Variants in PTPRB observed in about 807,000 individuals in gnomAD.
PTPRB encodes the protein receptor-type tyrosine-protein phosphatase beta.
Under a neutral mutation model 238.1 loss-of-function variants are expected in PTPRB, and 97 were observed. That is an observed-to-expected ratio of 0.41 (90% CI 0.35 to 0.48). The LOEUF (loss-of-function observed/expected upper bound fraction) is 0.48. Among genes scored for constraint, PTPRB ranks in the 20% least tolerant of loss-of-function variants. The pLI is 0.30. For missense variants in PTPRB, 2,292 were observed against 2,681.9 expected (o/e 0.85, Z 3.21); for synonymous variants, 970 against 995.4 (o/e 0.97, Z 0.48).
chr12:70,576,517 C>T lies in PTPRB; in HGVS notation c.2707G>A (p.Val903Ile). ...GACTTGGCAATGACAAGGGACTGAACCACCTTGCCGTCATGAGACAATGTT... is the reference window on the plus strand; with the variant it reads ...GACTTGGCAATGACAAGGGACTGAATCACCTTGCCGTCATGAGACAATGTT... ...EVTLSHDGKV[V>I]QSLVIAKSVR... is the part of the protein sequence containing the mutation. Residue 903 changes from valine to isoleucine, a missense_variant, in exon 11 of 34, where the codon GTT becomes ATT. Coordinates refer to ENST00000334414, the MANE Select transcript of PTPRB (RefSeq NM_001109754.4). 1 of 1,570,732 alleles carries T rather than the reference C, an allele frequency of 6.4e-7. No individual in the cohort carries two copies. The highest frequency in any genetic ancestry group is 2.3e-5 in the East Asian group (1 of 42,876).
chr12:70,613,233 A>G (rs1044525118), intron 3 of PTPRB, among the ~76,000 whole-genome samples: 2 of 151,998 alleles, frequency 1.3e-5, no homozygotes, highest in African/African-American at 2.4e-5. Flanking sequence ...CTAAAAGGTC[A>G]TGGTCCTTAC....
Position 70,622,489 on chromosome 12 carries a change from G to A in PTPRB, c.609C>T (p.Asn203=). Reference sequence around the variant, plus strand: ...GATTGGGATGCTGCCTCTCGCTGCTGTTTTGGCTGTAGTTTTCTGCAGCAT... The same window carrying A: ...GATTGGGATGCTGCCTCTCGCTGCTATTTTGGCTGTAGTTTTCTGCAGCAT... ...IRNAAENYSQ[N]SSERQHPNLH... The change falls in exon 3 of 34, where the codon AAC becomes AAT. Residue 203 remains asparagine, a synonymous_variant. Transcript: ENST00000334414. The A allele has an allele frequency of 1.2e-6, 2 of 1,613,536 alleles. No individual in the cohort carries two copies. Among genetic ancestry groups the A allele is most frequent in the Non-Finnish European group, 1.7e-6 (2 of 1,179,718 alleles).
intron 2 of PTPRB, among the ~76,000 whole-genome samples, chr12:70,633,677 T>C (rs1885555751): frequency 6.6e-6 from 1 of 152,202 alleles, no homozygotes; most frequent in South Asian, 2.1e-4. Context: ...AGGCATTTTT[T>C]GAATATAGCA....
At chr12:70,543,233 T>C (rs1165851787) in intron 22 of PTPRB, among the ~76,000 whole-genome samples, 3 of 152,364 alleles carry the variant, frequency 2.0e-5, no homozygotes, top group South Asian at 4.1e-4. Flanking sequence ...TACTGTGTTA[T>C]CCCTTAAATT....
chr12:70,563,139 A>T, intron 15 of PTPRB, 32 bp from the exon 16 acceptor site: 1 of 1,581,380 alleles, frequency 6.3e-7, no homozygotes, highest in South Asian at 1.1e-5. Context: ...AGAATGAGGG[A>T]GGGAAATGCA....
rs776553411 is a variant in PTPRB at position 70,544,565 on chromosome 12, G to A, written c.5486C>T (p.Thr1829Ile). 4 of 1,607,442 alleles carry A rather than the reference G, an allele frequency of 2.5e-6. No homozygotes were observed. The Admixed American group carries it at 5.0e-5, about 20-fold the overall frequency. Residue 1829 changes from threonine (T) to isoleucine (I), a missense_variant, in exon 22 of 34, where the codon ACT (threonine) becomes ATT (isoleucine). By Grantham distance (89) the Thr-to-Ile change is moderately conservative. Around this residue, in one of 4 missense-constraint regions of PTPRB, gnomAD observed 397 missense variants for 502.0 expected, o/e 0.79. Coordinates refer to ENST00000334414, the MANE Select transcript of PTPRB (RefSeq NM_001109754.4). ...SDTFFSLPIT[T>I]ESEPLFGAIE... The stretch of plus-strand genomic sequence containing the variant: ...GTAAAGGTTAGCCTTACCTGATTCA[G>A]TAGTGATGGGTAAAGAAAAAAATGT...
intron 2 of PTPRB, among the ~76,000 whole-genome samples, chr12:70,625,962 T>C (rs1226985134): frequency 2.0e-5 from 3 of 152,200 alleles, no homozygotes; most frequent in Non-Finnish European, 4.4e-5. Flanking sequence ...CAAGACTATC[T>C]TTCAAATTCA....
intron 3 of PTPRB, among the ~76,000 whole-genome samples, chr12:70,620,590 A>G (rs889521420): frequency 5.9e-5 from 9 of 152,186 alleles, no homozygotes; most frequent in African/African-American, 2.2e-4. Context: ...GTTAGAATGG[A>G]AGTTTTGGCT....
chr12:70,613,228 A>C (rs547242920), intron 3 of PTPRB, among the ~76,000 whole-genome samples: 5 of 151,946 alleles, frequency 3.3e-5, no homozygotes, highest in Non-Finnish European at 5.9e-5. Flanking sequence ...ATGACCTAAA[A>C]GGTCATGGTC....
In PTPRB at chr12:70,613,790, G is replaced by A. The variant is rs563479968; in HGVS notation, c.709-4451C>T. ...CAACATTTGCTGAATCTTCATGTCA[G>A]CTTAGTAAATATTGTTACATGAATA... On this transcript the variant is annotated intron_variant, in intron 3 of 33. Coordinates refer to ENST00000334414, the MANE Select transcript of PTPRB (RefSeq NM_001109754.4). Among the ~76,000 whole-genome samples, 3 of 152,206 alleles carry A rather than the reference G, an allele frequency of 2.0e-5. No individual in the cohort carries two copies. The East Asian group carries it at 5.8e-4, about 29-fold the overall frequency.
intron 3 of PTPRB, among the ~76,000 whole-genome samples, chr12:70,620,855 G>A (rs1214019714): frequency 1.3e-5 from 2 of 152,154 alleles, no homozygotes; most frequent in African/African-American, 4.8e-5. Context: ...AGGATGAGGG[G>A]GTTGGAAGAG....
intron 14 of PTPRB, among the ~76,000 whole-genome samples, chr12:70,568,367 A>G (rs1329818159): frequency 6.6e-6 from 1 of 152,146 alleles, no homozygotes; most frequent in African/African-American, 2.4e-5. Flanking sequence ...GCATGATCTC[A>G]GCTCACTGCA....
At chr12:70,632,862 G>A (rs1885517645) in intron 2 of PTPRB, among the ~76,000 whole-genome samples, 1 of 152,230 alleles carries the variant, frequency 6.6e-6, no homozygotes, top group Admixed American at 6.5e-5. Context: ...TGCCATGTGA[G>A]TCTAATATGC....
At chr12:70,594,406 A>G in intron 6 of PTPRB, 61 bp downstream of exon 6, 2 of 1,582,336 alleles carry the variant, frequency 1.3e-6, no homozygotes, top group Non-Finnish European at 1.7e-6. Context: ...AATAAACTTG[A>G]CTTATTAAAC....
intron 21 of PTPRB, among the ~76,000 whole-genome samples, chr12:70,544,911 C>A (rs572318019): frequency 4.1e-4 from 63 of 152,216 alleles, no homozygotes; most frequent in African/African-American, 1.4e-3. Flanking sequence ...AAACAAAGTC[C>A]CTGCCATTCC....
intron 6 of PTPRB, among the ~76,000 whole-genome samples, chr12:70,593,868 G>A (rs1592555512): frequency 6.6e-6 from 1 of 152,168 alleles, no homozygotes; most frequent in Non-Finnish European, 1.5e-5. Flanking sequence ...GCGCTGTGAG[G>A]GCAAAGACTT....
At position 70,596,081 on chromosome 12, in the gene PTPRB, C is replaced by A. The variant is rs773445643; in HGVS notation, c.1226G>T (p.Arg409Leu). ...IAITAVSGGK[R>L]SFSVYTNGST... ...TCCATTGGTATAAACTGAAAAAGAA[C>A]GTTTTCCTCCAGAAACAGCTGTGAT... The change falls in exon 5 of 34, where the codon CGT (arginine) becomes CTT (leucine). Residue 409 changes from arginine to leucine, a missense_variant. By Grantham distance (102) the Arg-to-Leu change is moderately radical. Coordinates refer to ENST00000334414, the MANE Select transcript of PTPRB (RefSeq NM_001109754.4). The A allele has an allele frequency of 1.2e-6, 2 of 1,610,800 alleles. No individual in the cohort carries two copies. The highest frequency in any genetic ancestry group is 8.5e-7 in the Non-Finnish European group (1 of 1,177,734).
At chr12:70,542,649 AG>A (rs573234187) in intron 22 of PTPRB, 2 of 151,064 alleles carry the variant, frequency 1.3e-5, no homozygotes, top group Non-Finnish European at 2.9e-5. Flanking sequence ...GCACTTTGGG[AG>A]GCCGAGACAG....
rs142611072 is a variant in PTPRB, at chr12:70,530,453, ATACACATG to A, written c.6504+1574_6504+1581del. On this transcript the variant is annotated intron_variant, in intron 32 of 33. Coordinates refer to ENST00000334414, the MANE Select transcript of PTPRB (RefSeq NM_001109754.4). ...GGTGTATACATATACACATGCACATATACACATGTACACATATATGCAATATGACATGT... is the reference window on the plus strand; with the variant it reads ...GGTGTATACATATACACATGCACATATACACATATATGCAATATGACATGT... 6.9e-3 allele frequency among the ~76,000 whole-genome samples: 1,054 copies of A among 152,276 alleles called. 14 individuals are homozygous for A. The highest frequency in any genetic ancestry group is 0.024 in the African/African-American group (987 of 41,544).
Sources: gnomAD v4.1 joint callset for allele counts (sites outside exome capture counted in the v4.1 genomes callset) on GRCh38, gnomAD v4.1.1 for gene constraint, gnomAD v4.1.1 regional missense constraint, MANE v1.5 for transcripts, NCBI Gene and HGNC (gene_info 2026-07-23, HGNC 2026-07-21) for gene names.